Variants in PTPRM observed in about 807,000 individuals in gnomAD.
PTPRM encodes the protein protein tyrosine phosphatase receptor type M.
A neutral mutation model predicts 186.7 loss-of-function variants in PTPRM; 47 were observed. The ratio of observed to expected loss-of-function variants is 0.25; its 90% CI spans 0.20 to 0.32. PTPRM has a LOEUF of 0.32. Among genes scored for constraint, PTPRM ranks in the 10% least tolerant of loss-of-function variants. The pLI, the probability that PTPRM is intolerant of heterozygous loss-of-function variation, is 1.00. For synonymous variants in PTPRM, 668 were observed against 674.9 expected (o/e 0.99, Z 0.16); for missense variants, 1,494 against 1,865.0 (o/e 0.80, Z 3.66).
At chr18:7,732,512 A>G (rs574173724) in intron 1 of PTPRM, among the ~76,000 whole-genome samples, 3 of 152,148 alleles carry the variant, frequency 2.0e-5, no homozygotes, top group African/African-American at 2.4e-5. Flanking sequence ...TAAAAATATT[A>G]CTTTTTTTAG....
intron 23 of PTPRM, among the ~76,000 whole-genome samples, chr18:8,344,421 G>GGT (rs1253286868): frequency 4.4e-4 from 49 of 111,994 alleles, no homozygotes; most frequent in Non-Finnish European, 7.4e-4. Flanking sequence ...ATAAGTAGGA[G>GGT]ATATATATAT....
chr18:8,259,372 G>C (rs374165354), intron 19 of PTPRM, among the ~76,000 whole-genome samples: 55 of 152,322 alleles, frequency 3.6e-4, no homozygotes, highest in African/African-American at 1.2e-3. Flanking sequence ...CATTATGCCA[G>C]AATCTTCAGA....
At chr18:7,691,344 C>T (rs1030633201) in intron 1 of PTPRM, among the ~76,000 whole-genome samples, 2 of 152,048 alleles carry the variant, frequency 1.3e-5, no homozygotes, top group African/African-American at 4.8e-5. Flanking sequence ...TAAACTAGCC[C>T]CATTCTGACT....
chr18:7,678,752 C>T (rs146420300), intron 1 of PTPRM, among the ~76,000 whole-genome samples: 175 of 152,228 alleles, frequency 1.1e-3, no homozygotes, highest in Middle Eastern at 6.8e-3. Context: ...CCTTCGTTAC[C>T]GTTACTTTTA....
intron 14 of PTPRM, among the ~76,000 whole-genome samples, chr18:8,186,184 G>C (rs1017621291): frequency 6.6e-6 from 1 of 151,926 alleles, no homozygotes. Context: ...AAACTAGCTG[G>C]GCGTGGTGGC....
chr18:8,242,887 A>G (rs919266668), intron 14 of PTPRM, among the ~76,000 whole-genome samples: 2 of 152,242 alleles, frequency 1.3e-5, no homozygotes, highest in Admixed American at 1.3e-4. Flanking sequence ...TCCTAGGTCA[A>G]TCAGTGTCAA....
At chr18:8,238,651 GTTTTTTTTTTTTTTTT>G (rs71165776) in intron 14 of PTPRM, among the ~76,000 whole-genome samples, 7 of 25,774 alleles carry the variant, frequency 2.7e-4, no homozygotes, top group South Asian at 1.9e-3. Context: ...TGTTTTGTGT[GTTTTTTTTTTTTTTTT>G]TTTTTTTTTT....
At chr18:8,387,593 T>C (rs1042979421) in intron 31 of PTPRM, among the ~76,000 whole-genome samples, 1 of 140,780 alleles carries the variant, frequency 7.1e-6, no homozygotes, top group Non-Finnish European at 1.5e-5. Flanking sequence ...GTAACTTGAA[T>C]TCATCCATGG....
chr18:8,325,427 C>T lies in PTPRM; in HGVS notation c.2956+6213C>T, dbSNP rs529536576. ...GAGAACATACAGTGTTTGATTTTTC[C>T]GTTCCTGCGATTGGTCAGTTAGGAT... On this transcript the variant is annotated intron_variant, in intron 22 of 32. Transcript: ENST00000580170. Among the ~76,000 whole-genome samples the T allele has an allele frequency of 3.9e-5, 6 of 152,272 alleles. No individual in the cohort carries two copies. In the South Asian group the frequency reaches 6.2e-4, roughly 16 times the overall value.
intron 1 of PTPRM, among the ~76,000 whole-genome samples, chr18:7,756,211 G>A (rs568446187): frequency 6.6e-6 from 1 of 152,284 alleles, no homozygotes; most frequent in East Asian, 1.9e-4. Flanking sequence ...TGCTTTCAGT[G>A]TTAGGTTAGG....
chr18:7,805,044 T>C (rs894412179), intron 2 of PTPRM, among the ~76,000 whole-genome samples: 8 of 152,208 alleles, frequency 5.3e-5, no homozygotes, highest in Non-Finnish European at 1.0e-4. Flanking sequence ...ATTTCCCTGA[T>C]TGGCTTTATT....
chr18:7,630,426 C>T (rs1450761538), intron 1 of PTPRM, among the ~76,000 whole-genome samples: 1 of 152,104 alleles, frequency 6.6e-6, no homozygotes, highest in Non-Finnish European at 1.5e-5. Context: ...CGTTTAGGTG[C>T]CACACTGGAG....
intron 1 of PTPRM, among the ~76,000 whole-genome samples, chr18:7,619,281 ACT>A (rs1168258572): frequency 1.3e-5 from 2 of 152,028 alleles, no homozygotes; most frequent in South Asian, 2.1e-4. Flanking sequence ...TCTGGGAGAA[ACT>A]CTGGAGCCCC....
chr18:7,903,547 C>T (rs915495906), intron 3 of PTPRM, among the ~76,000 whole-genome samples: 4 of 152,188 alleles, frequency 2.6e-5, no homozygotes, highest in African/African-American at 9.7e-5. Context: ...TCTCAGTTGT[C>T]TTCTTATAGA....
At chr18:8,121,826 C>G (rs1169721481) in intron 13 of PTPRM, 2 of 152,118 alleles carry the variant, frequency 1.3e-5, no homozygotes. Flanking sequence ...AAACCTAATA[C>G]GTTCTAAAAG....
intron 7 of PTPRM, among the ~76,000 whole-genome samples, chr18:8,001,828 G>A (rs917598619): frequency 2.0e-5 from 3 of 152,170 alleles, no homozygotes; most frequent in African/African-American, 7.2e-5. Flanking sequence ...ACAGGCAGAA[G>A]GCAGTAAGAA....
intron 4 of PTPRM, among the ~76,000 whole-genome samples, chr18:7,916,119 G>A (rs1267594502): frequency 6.6e-6 from 1 of 152,164 alleles, no homozygotes; most frequent in Non-Finnish European, 1.5e-5. Flanking sequence ...GGAAAGAGGT[G>A]AGTGATGAGA....
rs558711558 is a variant in PTPRM, at chr18:8,149,465, GA to G, written c.2300+5687del. ...TAAAGTCTGTTTTATCAGAGACTAG[GA>G]TTGTAACTCCTGATTTTTTTCGCTT... is the stretch of plus-strand genomic sequence containing the variant. On this transcript the variant is annotated intron_variant, in intron 14 of 32. Transcript: ENST00000580170. 3.9e-3 allele frequency among the ~76,000 whole-genome samples: 601 copies of G among 152,226 alleles called. 1 individual carries two copies. Among genetic ancestry groups the G allele is most frequent in the African/African-American group, 0.014 (577 of 41,530 alleles).
At chr18:7,842,802 A>G (rs2046386720) in intron 2 of PTPRM, among the ~76,000 whole-genome samples, 1 of 139,214 alleles carries the variant, frequency 7.2e-6, no homozygotes, top group Admixed American at 7.5e-5. Flanking sequence ...ACATATGTTT[A>G]TGTGTGTGTG....
Sources: gnomAD v4.1 joint callset for allele counts (sites outside exome capture counted in the v4.1 genomes callset) on GRCh38, gnomAD v4.1.1 for gene constraint, MANE v1.5 for transcripts, NCBI Gene and HGNC (gene_info 2026-07-23, HGNC 2026-07-21) for gene names.